DTX2: variants seen among roughly 807,000 people sequenced by gnomAD.
DTX2 encodes deltex E3 ubiquitin ligase 2.
A neutral mutation model predicts 55.3 loss-of-function variants in DTX2; 29 were observed. The observed-to-expected ratio is 0.52, with a 90% CI of 0.39 to 0.71. DTX2 has a LOEUF of 0.71. Ranked by LOEUF, DTX2 falls within the 30% of genes least tolerant of loss-of-function variation. The pLI, the probability that DTX2 is intolerant of heterozygous loss-of-function variation, is 0.00. For synonymous variants in DTX2, 276 were observed against 340.4 expected (o/e 0.81, Z 2.08); for missense variants, 537 against 822.5 (o/e 0.65, Z 4.25).
At chr7:76,503,744 G>C (rs1323992422) in intron 9 of DTX2, among the ~76,000 whole-genome samples, 157 bp downstream of exon 9, 1 of 149,962 alleles carries the variant, frequency 6.7e-6, no homozygotes, top group Non-Finnish European at 1.5e-5. Context: ...GGCCGGGAAT[G>C]GGGAGGCAGT....
intron 7 of DTX2, among the ~76,000 whole-genome samples, chr7:76,501,583 C>T (rs1811690241): frequency 6.6e-6 from 1 of 151,486 alleles, no homozygotes; most frequent in Admixed American, 6.6e-5. Context: ...CCCGAGGGCG[C>T]GCCTCTCCCT....
intron 2 of DTX2, among the ~76,000 whole-genome samples, chr7:76,474,181 T>C (rs560944828): frequency 4.8e-5 from 7 of 146,786 alleles, no homozygotes; most frequent in South Asian, 2.2e-4. Context: ...GCCTACTTTT[T>C]TTTTTCTTTT....
rs910131748 is a variant in DTX2 at position 76,480,778 on chromosome 7, G to A, written c.268+1G>A. ...TGGACCCAGTTCCGCCAGGACACCGGTAAGACGCTGTCTGCCTCTCGCACA... is the reference window on the plus strand; with the variant it reads ...TGGACCCAGTTCCGCCAGGACACCGATAAGACGCTGTCTGCCTCTCGCACA... On this transcript the variant is annotated splice_donor_variant, in intron 3 of 10. Coordinates refer to ENST00000430490, the MANE Select transcript of DTX2 (RefSeq NM_001102594.3). LOFTEE classifies it high-confidence loss of function. The A allele has an allele frequency of 6.3e-7, 1 of 1,593,208 alleles. No homozygotes were observed. The highest frequency in any genetic ancestry group is 1.1e-5 in the South Asian group (1 of 88,358).
intron 4 of DTX2, among the ~76,000 whole-genome samples, chr7:76,488,386 AG>A (rs1462452766): frequency 0.073 from 85 of 1,170 alleles, 10 homozygotes; most frequent in South Asian, 0.2. Context: ...GGCGGGGCGG[AG>A]GGGGGTGCAC....
intron 4 of DTX2, among the ~76,000 whole-genome samples, chr7:76,483,601 C>T (rs553406982): frequency 6.7e-6 from 1 of 150,060 alleles, no homozygotes; most frequent in East Asian, 2.0e-4. Context: ...TGAGGGAGGG[C>T]AGAATGTGGA....
intron 2 of DTX2, among the ~76,000 whole-genome samples, chr7:76,477,756 C>T (rs1808707498): frequency 7.3e-6 from 1 of 136,148 alleles, no homozygotes; most frequent in Non-Finnish European, 1.6e-5. Flanking sequence ...GTGGTGATTG[C>T]AGCCACTGCA....
chr7:76,469,611 T>A (rs1164602168), intron 2 of DTX2, among the ~76,000 whole-genome samples: 1 of 149,950 alleles, frequency 6.7e-6, no homozygotes, highest in Non-Finnish European at 1.5e-5. Flanking sequence ...GCCAGGATGG[T>A]CTCGCTCTCC....
At chr7:76,499,260 C>G (rs1401117897) in intron 6 of DTX2, among the ~76,000 whole-genome samples, 3 of 77,378 alleles carry the variant, frequency 3.9e-5, no homozygotes, top group Non-Finnish European at 7.4e-5. Flanking sequence ...AGCTTGGTTA[C>G]ATATTCGTCT....
chr7:76,482,416 T>C, intron 3 of DTX2, 92 bp from the exon 4 acceptor site: 1 of 1,273,614 alleles, frequency 7.9e-7, no homozygotes, highest in Admixed American at 2.3e-5. Flanking sequence ...GTGTTCCTAT[T>C]TGTTTATTTT....
chr7:76,500,123 G>A (rs1449005375), intron 6 of DTX2: 9 of 345,270 alleles, frequency 2.6e-5, no homozygotes, highest in Non-Finnish European at 5.2e-5. Context: ...GAAGCGCCGG[G>A]GTCGGTTCCT....
intron 7 of DTX2, chr7:76,501,329 C>T (rs562754098): frequency 1.3e-5 from 6 of 455,442 alleles, no homozygotes; most frequent in Admixed American, 9.4e-5. Flanking sequence ...GAACGTCCTC[C>T]TCATGTGTCC....
At chr7:76,469,284 A>G (rs2116185864) in intron 2 of DTX2, among the ~76,000 whole-genome samples, 1 of 143,388 alleles carries the variant, frequency 7.0e-6, no homozygotes, top group Non-Finnish European at 1.5e-5. Flanking sequence ...TGGTGTTGCT[A>G]GGTAGATCAT....
rs770841504 is a variant in DTX2, at chr7:76,503,476, G to A, written c.1440G>A (p.Thr480=). Residue 480 remains threonine (T), a synonymous_variant, in exon 9 of 11, where the codon ACG becomes ACA. Transcript: ENST00000430490. ...GCAAAACCATCTATGGAGAGAAGAC[G>A]GGGACCCAGCCCCAGGGAAAGATGG... is the stretch of plus-strand genomic sequence containing the variant. The part of the protein sequence containing the change: ...PSCKTIYGEK[T]GTQPQGKMEV... 14 of 1,612,904 alleles carry A rather than the reference G, an allele frequency of 8.7e-6. No individual in the cohort carries two copies. The highest frequency in any genetic ancestry group is 6.7e-5 in the African/African-American group (5 of 74,908).
intron 4 of DTX2, among the ~76,000 whole-genome samples, chr7:76,483,358 G>C (rs1412414733): frequency 1.3e-5 from 2 of 152,198 alleles, no homozygotes; most frequent in Non-Finnish European, 1.5e-5. Flanking sequence ...TCACCACACG[G>C]GTTAGAATCT....
At chr7:76,471,263 G>A (rs1175275908) in intron 2 of DTX2, among the ~76,000 whole-genome samples, 5 of 138,266 alleles carry the variant, frequency 3.6e-5, no homozygotes, top group Non-Finnish European at 6.1e-5. Flanking sequence ...CTGGGTTCAC[G>A]CCATTCTCCT....
chr7:76,490,200 C>T (rs1240842832), intron 4 of DTX2, among the ~76,000 whole-genome samples: 1 of 84,940 alleles, frequency 1.2e-5, no homozygotes, highest in African/African-American at 5.7e-5. Flanking sequence ...GTGGCACGCA[C>T]CTGTAGTCCC....
intron 5 of DTX2, among the ~76,000 whole-genome samples, chr7:76,495,438 C>G (rs1360233922): frequency 6.6e-6 from 1 of 152,156 alleles, no homozygotes; most frequent in Non-Finnish European, 1.5e-5. Context: ...CCGAGTTATT[C>G]AGGTGTTTTG....
intron 8 of DTX2, chr7:76,502,702 C>A (rs1563758067): frequency 3.8e-6 from 2 of 531,452 alleles, no homozygotes; most frequent in East Asian, 5.8e-5. Flanking sequence ...CCCTCCACCC[C>A]TCCAGCCAGG....
intron 5 of DTX2, among the ~76,000 whole-genome samples, chr7:76,494,555 G>C (rs1810714476): frequency 1.2e-5 from 1 of 85,570 alleles, no homozygotes; most frequent in Non-Finnish European, 2.4e-5. Context: ...TGGGTGTGGA[G>C]TTAGCACCTG....
Sources: allele counts gnomAD v4.1 joint callset (sites outside exome capture counted in the v4.1 genomes callset), GRCh38; gene constraint gnomAD v4.1.1; transcripts MANE v1.5; gene names NCBI Gene and HGNC (gene_info 2026-07-23, HGNC 2026-07-21).